The following LCMT1 variants were observed in gnomAD, a reference collection of about 807,000 sequenced individuals.
LCMT1 encodes the protein [Phosphatase 2A protein]-leucine-carboxy methyltransferase 1.
A neutral mutation model predicts 47.7 loss-of-function variants in LCMT1; 32 were observed. The observed-to-expected ratio is 0.67, with a 90% CI of 0.51 to 0.90. LCMT1 has a LOEUF of 0.90. Ranked by LOEUF, LCMT1 falls within the 40% of genes least tolerant of loss-of-function variation. LCMT1 has a pLI of 0.00. For synonymous variants in LCMT1, 152 were observed against 149.7 expected, an observed-to-expected ratio of 1.02 and a Z score of -0.11; for missense variants, 375 against 415.2, an observed-to-expected ratio of 0.90 and a Z score of 0.84.
At chr16:25,127,629 G>C (rs1960227197) in intron 1 of LCMT1, among the ~76,000 whole-genome samples, 1 of 152,156 alleles carries the variant, frequency 6.6e-6, no homozygotes, top group Admixed American at 6.5e-5. Flanking sequence ...ACAAGAAATG[G>C]GGGCATTACT....
chr16:25,178,023 A>G lies in LCMT1; in HGVS notation c.1005A>G (p.Ter335=), dbSNP rs1267710762. Reference sequence around the variant, plus strand: ...CAGGGCTGAAGGAGATAACTTATTAATCTGTCGAAGGCTTATGCCGAGCCA... The same window carrying G: ...CAGGGCTGAAGGAGATAACTTATTAGTCTGTCGAAGGCTTATGCCGAGCCA... ...NELGLKEITY[*] is the part of the protein sequence containing the mutation. Residue 335 remains the stop codon, a stop_retained_variant, in exon 11 of 11, where the codon TAA becomes TAG. Coordinates refer to ENST00000399069, the MANE Select transcript of LCMT1 (RefSeq NM_016309.3). The G allele has an allele frequency of 1.7e-5, 27 of 1,613,718 alleles. No individual in the cohort carries two copies. Among genetic ancestry groups the G allele is most frequent in the Non-Finnish European group, 2.2e-5 (26 of 1,179,810 alleles).
chr16:25,163,287 GGA>G (rs1323821941), intron 6 of LCMT1, among the ~76,000 whole-genome samples: 1 of 151,982 alleles, frequency 6.6e-6, no homozygotes, highest in Non-Finnish European at 1.5e-5. Context: ...GCCAACATGG[GGA>G]AACCCCGTCT....
intron 5 of LCMT1, among the ~76,000 whole-genome samples, chr16:25,156,015 G>A (rs1402654998): frequency 6.6e-6 from 1 of 152,110 alleles, no homozygotes; most frequent in African/African-American, 2.4e-5. Flanking sequence ...CTATGATCTA[G>A]CCACACAGAT....
At chr16:25,113,200 G>C (rs533442038) in intron 1 of LCMT1, among the ~76,000 whole-genome samples, 1 of 151,104 alleles carries the variant, frequency 6.6e-6, no homozygotes, top group East Asian at 1.9e-4. Flanking sequence ...AGTTGTAGGA[G>C]AGTGTTCAGA....
intron 4 of LCMT1, 123 bp downstream of exon 4, chr16:25,140,370 A>T: frequency 1.4e-6 from 1 of 726,448 alleles, no homozygotes. Context: ...ACTGCCCCCC[A>T]CCAACTTTTT....
chr16:25,113,278 A>G (rs1959686109), intron 1 of LCMT1, among the ~76,000 whole-genome samples: 1 of 152,144 alleles, frequency 6.6e-6, no homozygotes, highest in Non-Finnish European at 1.5e-5. Flanking sequence ...GAGGCCACGT[A>G]GTGATTGTAG....
intron 1 of LCMT1, 57 bp downstream of exon 1, chr16:25,112,053 G>A (rs1329757859): frequency 8.7e-7 from 1 of 1,153,654 alleles, no homozygotes; most frequent in South Asian, 1.3e-5. Context: ...CTAGGTGGGA[G>A]GTGGGCCTGC....
At chr16:25,150,010 T>G (rs1022203941) in intron 4 of LCMT1, among the ~76,000 whole-genome samples, 6 of 151,602 alleles carry the variant, frequency 4.0e-5, no homozygotes, top group Admixed American at 6.6e-5. Context: ...AAGACTGAAG[T>G]TAGTTATTAT....
chr16:25,175,932 C>T (rs1009590651), intron 10 of LCMT1, among the ~76,000 whole-genome samples: 1 of 152,090 alleles, frequency 6.6e-6, no homozygotes, highest in Non-Finnish European at 1.5e-5. Context: ...GTGGAGTTCC[C>T]ACAGCTGGAA....
intron 7 of LCMT1, among the ~76,000 whole-genome samples, chr16:25,165,457 T>C (rs1961559541): frequency 6.6e-6 from 1 of 152,128 alleles, no homozygotes; most frequent in Admixed American, 6.6e-5. Context: ...GCGTTCCTGC[T>C]GTGTGACCTG....
At chr16:25,157,096 G>A (rs1007322428) in intron 5 of LCMT1, among the ~76,000 whole-genome samples, 10 of 152,096 alleles carry the variant, frequency 6.6e-5, no homozygotes, top group Admixed American at 1.3e-4. Context: ...CACATCTCTC[G>A]AAATGCACCT....
At chr16:25,112,028 A>G in intron 1 of LCMT1, 32 bp downstream of exon 1, 1 of 1,485,556 alleles carries the variant, frequency 6.7e-7, no homozygotes, top group Non-Finnish European at 9.4e-7. Flanking sequence ...CGGGGCCGGC[A>G]TCTGGGGCGC....
At chr16:25,164,318 C>G (rs1961522095) in intron 6 of LCMT1, among the ~76,000 whole-genome samples, 1 of 152,164 alleles carries the variant, frequency 6.6e-6, no homozygotes, top group Admixed American at 6.5e-5. Flanking sequence ...GAGTGCACAG[C>G]AGGGGAGAAC....
At chr16:25,121,260 A>G (rs1026805858) in intron 1 of LCMT1, among the ~76,000 whole-genome samples, 1 of 151,658 alleles carries the variant, frequency 6.6e-6, no homozygotes, top group Admixed American at 6.6e-5. Flanking sequence ...AAATACGAAA[A>G]TTAGTTGGGG....
intron 10 of LCMT1, among the ~76,000 whole-genome samples, chr16:25,175,555 C>G (rs1384722955): frequency 6.6e-6 from 1 of 152,074 alleles, no homozygotes; most frequent in Non-Finnish European, 1.5e-5. Flanking sequence ...TCACTTGTAC[C>G]TGGGAGGTGG....
chr16:25,147,719 T>G (rs1597585762), intron 4 of LCMT1: 1 of 151,920 alleles, frequency 6.6e-6, no homozygotes, highest in East Asian at 1.9e-4. Context: ...TGAGGCAGGG[T>G]CTCACTCCAT....
At position 25,167,957 on chromosome 16, in the gene LCMT1, A is replaced by G. The variant is rs887807485; in HGVS notation, c.691-1155A>G. Among the ~76,000 whole-genome samples the G allele has an allele frequency of 2.0e-5, 3 of 151,706 alleles. No homozygotes were observed. In the South Asian group the frequency reaches 6.2e-4, roughly 32 times the overall value. ...GTATTTTTAATAGAGACAGGGTTTC[A>G]TGTTGGCCAGGCTGGTCTCAAACTC... On this transcript the variant is annotated intron_variant, in intron 7 of 10. Coordinates refer to ENST00000399069, the MANE Select transcript of LCMT1 (RefSeq NM_016309.3).
intron 2 of LCMT1, among the ~76,000 whole-genome samples, chr16:25,128,863 A>G (rs1960269100): frequency 6.8e-6 from 1 of 146,370 alleles, no homozygotes; most frequent in African/African-American, 2.5e-5. Flanking sequence ...AACAGTGAGA[A>G]CACATGACAC....
chr16:25,173,943 G>A (rs1005536905), intron 9 of LCMT1, among the ~76,000 whole-genome samples: 3 of 152,040 alleles, frequency 2.0e-5, no homozygotes, highest in East Asian at 1.9e-4. Context: ...ACCGAGTCTC[G>A]CTCTGTCACC....
Sources: gnomAD v4.1 joint callset for allele counts (sites outside exome capture counted in the v4.1 genomes callset) on GRCh38, gnomAD v4.1.1 for gene constraint, MANE v1.5 for transcripts, NCBI Gene and HGNC (gene_info 2026-07-23, HGNC 2026-07-21) for gene names.